OCIAD1: variants seen among roughly 807,000 people sequenced by gnomAD.
OCIAD1 encodes OCIA domain containing 1.
In OCIAD1, 29 loss-of-function variants were observed where a neutral mutation model predicts 38.9. The observed-to-expected ratio is 0.74, with a 90% CI of 0.55 to 1.02. OCIAD1 has a LOEUF of 1.02. Among genes scored for constraint, OCIAD1 ranks in the 50% least tolerant of loss-of-function variants. The pLI, the probability that OCIAD1 is intolerant of heterozygous loss-of-function variation, is 0.00. For missense variants in OCIAD1, 288 were observed against 289.6 expected (o/e 0.99, Z 0.04); for synonymous variants, 110 against 92.0 (o/e 1.20, Z -1.12).
chr4:48,836,069 G>A (rs763867445), intron 3 of OCIAD1, among the ~76,000 whole-genome samples: 4 of 152,198 alleles, frequency 2.6e-5, no homozygotes, highest in Admixed American at 1.3e-4. Context: ...GCAGAGGGGG[G>A]TGATATGTAA....
At chr4:48,816,034 T>A (rs992414520) in intron 1 of OCIAD1, among the ~76,000 whole-genome samples, 5 of 152,228 alleles carry the variant, frequency 3.3e-5, no homozygotes, top group Non-Finnish European at 5.9e-5. Flanking sequence ...CTCTTGCCAA[T>A]ATCTTCAACT....
At chr4:48,833,567 A>G in intron 3 of OCIAD1, 86 bp downstream of exon 3, 1 of 821,130 alleles carries the variant, frequency 1.2e-6, no homozygotes, top group Non-Finnish European at 2.0e-6. Flanking sequence ...AATTATAATA[A>G]CTCCGTATAG....
At position 48,819,785 on chromosome 4, in the gene OCIAD1, AACC is replaced by A. The variant is rs1777175986; in HGVS notation, c.-102-10790_-102-10788del. ...CCAGTCTCTGATAAAACAGACTTTA[AACC>A]AACAAAGATAAAAAAAGACAAAGAA... On this transcript the variant is annotated intron_variant, in intron 1 of 6. Transcript: ENST00000504654. Among the ~76,000 whole-genome samples, 5 of 151,790 alleles carry A rather than the reference AACC, an allele frequency of 3.3e-5. No homozygotes were observed. The East Asian group carries it at 7.7e-4, about 23-fold the overall frequency.
At chr4:48,839,815 G>T (rs1778363984) in intron 3 of OCIAD1, among the ~76,000 whole-genome samples, 1 of 152,062 alleles carries the variant, frequency 6.6e-6, no homozygotes, top group Non-Finnish European at 1.5e-5. Context: ...CTAGGTTTTG[G>T]TCAGCAGTAT....
intron 3 of OCIAD1, among the ~76,000 whole-genome samples, chr4:48,835,094 C>A (rs971390627): frequency 2.0e-5 from 3 of 151,968 alleles, no homozygotes; most frequent in Non-Finnish European, 4.4e-5. Flanking sequence ...CCACCATGCC[C>A]GGCTAATTTT....
chr4:48,848,378 ATACT>A lies in OCIAD1; in HGVS notation c.194-18_194-15del. 2.3e-6 allele frequency: 3 copies of A among 1,292,850 alleles called. No individual in the cohort carries two copies. The highest frequency in any genetic ancestry group is 3.3e-6 in the Non-Finnish European group (3 of 900,898). 80.1% of individuals were successfully genotyped at this position (1,292,850 alleles called of 1,614,324 possible). A position where few individuals can be genotyped will look rare whatever the true frequency, so the allele number is the denominator to read the frequency against. Reference sequence around the variant, plus strand: ...CTTTCTGTAACAGTGTTACTCAGAAATACTTAACTCTTTTCTTTAGGAATACTTT... The same window carrying A: ...CTTTCTGTAACAGTGTTACTCAGAAATAACTCTTTTCTTTAGGAATACTTT... On this transcript the variant is annotated splice_polypyrimidine_tract_variant and intron_variant, in intron 4 of 8. Coordinates refer to ENST00000264312, the MANE Select transcript of OCIAD1 (RefSeq NM_017830.4).
At chr4:48,820,117 A>G (rs1777180397) in intron 1 of OCIAD1, among the ~76,000 whole-genome samples, 1 of 152,134 alleles carries the variant, frequency 6.6e-6, no homozygotes, top group Admixed American at 6.6e-5. Flanking sequence ...AGCACCACAT[A>G]GCACGTATTC....
intron 7 of OCIAD1, among the ~76,000 whole-genome samples, chr4:48,854,494 T>C (rs1165867259): frequency 6.6e-6 from 1 of 152,216 alleles, no homozygotes; most frequent in Non-Finnish European, 1.5e-5. Flanking sequence ...ATTCTAGACA[T>C]GCACTAACTC....
upstream of OCIAD1, among the ~76,000 whole-genome samples, chr4:48,830,308 AG>A (rs1320010054): frequency 6.6e-6 from 1 of 152,220 alleles, no homozygotes; most frequent in Non-Finnish European, 1.5e-5. Context: ...AAAGTGGCAA[AG>A]GGGCTCAGAA....
At chr4:48,858,856 ATAGCTATACAT>A (rs370753899) in intron 8 of OCIAD1, among the ~76,000 whole-genome samples, 2 of 152,224 alleles carry the variant, frequency 1.3e-5, no homozygotes, top group Non-Finnish European at 2.9e-5. Flanking sequence ...TCTTTTTGGA[ATAGCTATACAT>A]TAGCCAAAGT....
At chr4:48,815,089 A>G (rs1267087406) in intron 1 of OCIAD1, among the ~76,000 whole-genome samples, 1 of 152,164 alleles carries the variant, frequency 6.6e-6, no homozygotes, top group African/African-American at 2.4e-5. Context: ...TGAGGTGGGC[A>G]GATCATGAGG....
intron 4 of OCIAD1, among the ~76,000 whole-genome samples, chr4:48,844,154 G>T (rs1778776326): frequency 6.6e-6 from 1 of 152,144 alleles, no homozygotes; most frequent in East Asian, 1.9e-4. Flanking sequence ...ACCTGATGAT[G>T]AAGACAAATA....
chr4:48,825,160 TGCCCAA>T (rs1777236569), intron 1 of OCIAD1, among the ~76,000 whole-genome samples: 1 of 152,256 alleles, frequency 6.6e-6, no homozygotes, highest in Non-Finnish European at 1.5e-5. Flanking sequence ...AGTCCAGACA[TGCCCAA>T]TTAATGTGAA....
chr4:48,812,310 A>AAAAAAAAAAAAAAAAAAAAC (rs1777097509), intron 1 of OCIAD1, among the ~76,000 whole-genome samples: 1 of 148,060 alleles, frequency 6.8e-6, no homozygotes, highest in Non-Finnish European at 1.5e-5. Flanking sequence ...AAAAAAAAAA[A>AAAAAAAAAAAAAAAAAAAAC]AAAAAAGAAA....
chr4:48,825,076 C>T (rs768469531), intron 1 of OCIAD1, among the ~76,000 whole-genome samples: 1 of 152,156 alleles, frequency 6.6e-6, no homozygotes, highest in Non-Finnish European at 1.5e-5. Context: ...AATGAAGGAA[C>T]TGTAATTTGC....
At position 48,848,490 on chromosome 4, in the gene OCIAD1, TA is replaced by T. The variant is rs754485612; in HGVS notation, c.241+47del. The T allele has an allele frequency of 3.3e-6, 3 of 921,760 alleles. No homozygotes were observed. In the Admixed American group the frequency reaches 7.1e-5, roughly 22 times the overall value. The allele number at this position is 921,760 out of a possible 1,614,324, so 57.1% of individuals were successfully genotyped here. Reference sequence around the variant, plus strand: ...GTAGTTTTCATAGCTTTTTAAAACTTAAATAAAATTATTTTTATCAAATGTT... The same window carrying T: ...GTAGTTTTCATAGCTTTTTAAAACTTAATAAAATTATTTTTATCAAATGTT... On this transcript the variant is annotated intron_variant, in intron 5 of 8. Coordinates refer to ENST00000264312, the MANE Select transcript of OCIAD1 (RefSeq NM_017830.4).
At chr4:48,827,139 G>T (rs1330880792), upstream of OCIAD1, among the ~76,000 whole-genome samples, 1 of 152,124 alleles carries the variant, frequency 6.6e-6, no homozygotes, top group African/African-American at 2.4e-5. Context: ...ATAATTTATT[G>T]AATAATGATT....
intron 4 of OCIAD1, among the ~76,000 whole-genome samples, chr4:48,845,752 T>C (rs900744736): frequency 2.6e-5 from 4 of 152,238 alleles, no homozygotes; most frequent in Admixed American, 2.6e-4. Flanking sequence ...GTTAGTACTA[T>C]CCAGGAAACT....
rs1349361963 is a variant in OCIAD1, at chr4:48,810,890, CTTTCTTTT to C, written c.-103+5564_-103+5571del. Reference sequence around the variant, plus strand: ...TTGCAATTTTCTTTTTTCTTTCTTTCTTTCTTTTTTTTTTTTTTTTTTTGAGACGGAGT... The same window carrying C: ...TTGCAATTTTCTTTTTTCTTTCTTTCTTTTTTTTTTTTTTTGAGACGGAGT... On this transcript the variant is annotated intron_variant, in intron 1 of 6. Coordinates refer to the OCIAD1 transcript ENST00000504654. Among the ~76,000 whole-genome samples, 38 of 62,626 alleles carry C rather than the reference CTTTCTTTT, an allele frequency of 6.1e-4. 1 individual carries two copies. The highest frequency in any genetic ancestry group is 2.0e-3 in the Admixed American group (16 of 8,082). 41.1% of individuals were successfully genotyped at this position (62,626 alleles called of 152,430 possible).
Sources: allele counts gnomAD v4.1 joint callset (sites outside exome capture counted in the v4.1 genomes callset), GRCh38; gene constraint gnomAD v4.1.1; transcripts MANE v1.5; gene names NCBI Gene and HGNC (gene_info 2026-07-23, HGNC 2026-07-21).